The following SUSD4 variants were observed in gnomAD, a reference collection of about 807,000 sequenced individuals.
SUSD4 encodes sushi domain containing 4.
Under a neutral mutation model 50.5 loss-of-function variants are expected in SUSD4, and 41 were observed. The observed-to-expected ratio is 0.81, with a 90% confidence interval of 0.63 to 1.05. SUSD4 has a LOEUF of 1.05. Ranked by LOEUF, SUSD4 falls within the 50% of genes least tolerant of loss-of-function variation. The probability of loss-of-function intolerance (pLI) is 0.00; values close to 1 mark genes in which losing one functional copy is unlikely to be tolerated. For missense variants in SUSD4, 580 were observed against 634.7 expected, an observed-to-expected ratio of 0.91 and a Z score of 0.93; for synonymous variants, 257 against 257.3, an observed-to-expected ratio of 1.00 and a Z score of 0.01.
chr1:223,336,574 T>G (rs1205489312), intron 2 of SUSD4, among the ~76,000 whole-genome samples: 1 of 152,210 alleles, frequency 6.6e-6, no homozygotes. Context: ...ATGGTTTCTG[T>G]GCTTAGTAGA....
intron 2 of SUSD4, among the ~76,000 whole-genome samples, chr1:223,306,127 C>A (rs1665521391): frequency 6.6e-6 from 1 of 152,174 alleles, no homozygotes; most frequent in South Asian, 2.1e-4. Flanking sequence ...GATGCCAGAA[C>A]TGATATTTTC....
chr1:223,313,810 G>A (rs915927500), intron 2 of SUSD4, among the ~76,000 whole-genome samples: 4 of 152,066 alleles, frequency 2.6e-5, no homozygotes, highest in African/African-American at 9.7e-5. Flanking sequence ...TAATTATAAG[G>A]CATTAATTAG....
intron 3 of SUSD4, among the ~76,000 whole-genome samples, chr1:223,273,627 C>T (rs572432444): frequency 2.3e-4 from 35 of 152,206 alleles, no homozygotes; most frequent in Non-Finnish European, 4.1e-4. Flanking sequence ...CATGCAGTAT[C>T]GGGTCAACTT....
chr1:223,272,572 C>T (rs747755564), intron 3 of SUSD4, among the ~76,000 whole-genome samples: 1 of 152,290 alleles, frequency 6.6e-6, no homozygotes, highest in African/African-American at 2.4e-5. Flanking sequence ...ATTTACTGTT[C>T]TTTAAAAGTT....
In SUSD4 at chr1:223,268,489, A is replaced by T. The variant is rs1662676504; in HGVS notation, c.535+13T>A. The T allele has an allele frequency of 6.2e-7, 1 of 1,607,564 alleles. No homozygotes were observed. The highest frequency in any genetic ancestry group is 8.5e-7 in the Non-Finnish European group (1 of 1,176,712). ...TAATAGCCCAGCTGAGAACTGAAGCATCAGTCCCGTACCTTGACAGATGGG... is the reference window on the plus strand; with the variant it reads ...TAATAGCCCAGCTGAGAACTGAAGCTTCAGTCCCGTACCTTGACAGATGGG... On this transcript the variant is annotated intron_variant, in intron 4 of 8. Coordinates refer to ENST00000366878, the MANE Select transcript of SUSD4 (RefSeq NM_017982.4).
Position 223,264,665 on chromosome 1 carries a change from C to T in SUSD4, c.689G>A (p.Trp230Ter). 1 of 1,614,102 alleles carries T rather than the reference C, an allele frequency of 6.2e-7. No individual in the cohort carries two copies. The highest frequency in any genetic ancestry group is 8.5e-7 in the Non-Finnish European group (1 of 1,180,018). The change falls in exon 5 of 9, where the codon TGG becomes TAG. Residue 230 changes from tryptophan (W) to a stop codon, truncating the protein, a stop_gained. Coordinates refer to ENST00000366878, the MANE Select transcript of SUSD4 (RefSeq NM_017982.4). LOFTEE classifies it high-confidence loss of function. ...AAGGCACCGGGGTGGGCTGGACGAC[C>T]AGATAAGGTTTTGTAAGCACTCAAG... ...AYLECLQNLI[W>*]SSSPPRCLAL...
intron 3 of SUSD4, among the ~76,000 whole-genome samples, chr1:223,276,037 A>T (rs911345549): frequency 2.0e-5 from 3 of 152,220 alleles, no homozygotes; most frequent in Non-Finnish European, 2.9e-5. Flanking sequence ...TCAGCCCCCA[A>T]ACTGCTCAAA....
chr1:223,311,771 T>G (rs1665890488), intron 2 of SUSD4, among the ~76,000 whole-genome samples: 1 of 152,200 alleles, frequency 6.6e-6, no homozygotes. Flanking sequence ...AGTGTCGAAA[T>G]GCAGACTGTA....
At position 223,340,638 on chromosome 1, in the gene SUSD4, T is replaced by C. The variant is rs139516138; in HGVS notation, c.148+22640A>G. The stretch of plus-strand genomic sequence containing the variant: ...CAGCCTGCTTTGACAGCTGGGGAGC[T>C]GGGTTTAGAGGCTCCAGGCAAAAGA... On this transcript the variant is annotated intron_variant, in intron 2 of 8. Transcript: ENST00000366878. 2.6e-4 allele frequency among the ~76,000 whole-genome samples: 40 copies of C among 152,246 alleles called. No individual in the cohort carries two copies. In the East Asian group the frequency reaches 7.5e-3, roughly 29 times the overall value.
chr1:223,274,104 A>T (rs997033802), intron 3 of SUSD4, among the ~76,000 whole-genome samples: 5 of 152,002 alleles, frequency 3.3e-5, no homozygotes, highest in Non-Finnish European at 7.4e-5. Context: ...ATCCACTAAC[A>T]TCCCTCAGGA....
intron 2 of SUSD4, among the ~76,000 whole-genome samples, chr1:223,338,008 A>C (rs1015656338): frequency 6.6e-6 from 1 of 152,234 alleles, no homozygotes; most frequent in Admixed American, 6.5e-5. Context: ...ATTTCTTTAA[A>C]AAGGTGAATG....
At chr1:223,359,867 G>A (rs953570433) in intron 2 of SUSD4, among the ~76,000 whole-genome samples, 5 of 152,024 alleles carry the variant, frequency 3.3e-5, no homozygotes, top group Admixed American at 2.6e-4. Flanking sequence ...TGCTCATTTA[G>A]GAAAAAAATG....
intron 2 of SUSD4, among the ~76,000 whole-genome samples, chr1:223,318,471 C>G (rs1263385464): frequency 2.9e-5 from 3 of 103,440 alleles, no homozygotes; most frequent in East Asian, 2.8e-4. Context: ...TACAGTCCCA[C>G]CAACAGTGTA....
chr1:223,347,532 T>C (rs931532522), intron 2 of SUSD4, among the ~76,000 whole-genome samples: 3 of 150,628 alleles, frequency 2.0e-5, no homozygotes, highest in African/African-American at 7.4e-5. Context: ...ACAGAATCAC[T>C]TCCCAGCTAA....
chr1:223,325,653 G>A (rs574316754), intron 2 of SUSD4, among the ~76,000 whole-genome samples: 5 of 152,138 alleles, frequency 3.3e-5, no homozygotes, highest in African/African-American at 1.2e-4. Context: ...TTCTAGATTT[G>A]ATAAACAAAT....
intron 2 of SUSD4, among the ~76,000 whole-genome samples, chr1:223,350,194 T>G (rs1336507120): frequency 6.6e-6 from 1 of 152,258 alleles, no homozygotes; most frequent in Non-Finnish European, 1.5e-5. Flanking sequence ...TGGTATTTTG[T>G]TAAGGCAGCC....
rs367591500 is a variant in SUSD4 at position 223,229,178 on chromosome 1, G to A, written c.916+19C>T. The A allele has an allele frequency of 7.6e-6, 12 of 1,585,958 alleles. No homozygotes were observed. The highest frequency in any genetic ancestry group is 1.0e-5 in the Non-Finnish European group (12 of 1,157,502). ...CAAGGAGGGTCCATCTCCTCCAAGG[G>A]TGAGGCCTTCAGTCTTACCTGATTT... On this transcript the variant is annotated intron_variant, in intron 6 of 8. Transcript: ENST00000366878. This position sits in a 1 kb window ranked among gnomAD's most constrained non-coding sequence, Gnocchi z 4.7.
At chr1:223,344,870 G>C (rs970072182) in intron 2 of SUSD4, among the ~76,000 whole-genome samples, 4 of 152,168 alleles carry the variant, frequency 2.6e-5, no homozygotes, top group African/African-American at 7.2e-5. Flanking sequence ...AGCACTCCTT[G>C]TTATGTTCAA....
At chr1:223,223,715 G>A in intron 7 of SUSD4, 84 bp from the exon 8 acceptor site, 1 of 1,464,812 alleles carries the variant, frequency 6.8e-7, no homozygotes, top group Non-Finnish European at 9.0e-7. Flanking sequence ...TGCACTCGGG[G>A]TCCTCAGGAC....
Sources: allele counts gnomAD v4.1 joint callset (sites outside exome capture counted in the v4.1 genomes callset), GRCh38; gene constraint gnomAD v4.1.1; non-coding constraint Gnocchi (gnomAD v3.1); transcripts MANE v1.5; gene names NCBI Gene and HGNC (gene_info 2026-07-23, HGNC 2026-07-21).